The following NR5A2 variants were observed in gnomAD, a reference collection of about 807,000 sequenced individuals.
NR5A2 encodes the protein CYP7A promoter-binding factor.
A neutral mutation model predicts 62.7 loss-of-function variants in NR5A2; 26 were observed. The observed-to-expected ratio is 0.41, with a 90% confidence interval of 0.30 to 0.58. The LOEUF is 0.58. Among genes scored for constraint, NR5A2 ranks in the 20% least tolerant of loss-of-function variants. The pLI is 0.22. For synonymous variants in NR5A2, 246 were observed against 241.7 expected (o/e 1.02, Z -0.16); for missense variants, 541 against 669.1 (o/e 0.81, Z 2.11).
At chr1:200,029,015 C>A in intron 1 of NR5A2, 1 of 438,024 alleles carries the variant, frequency 2.3e-6, no homozygotes. Context: ...GTGTAACACA[C>A]AATCAATTGT....
intron 4 of NR5A2, among the ~76,000 whole-genome samples, chr1:200,046,592 G>A (rs528784284): frequency 2.2e-4 from 33 of 151,994 alleles, no homozygotes; most frequent in African/African-American, 7.2e-4. Flanking sequence ...TAGCTAACAC[G>A]CTTCTTCCGA....
At chr1:200,144,243 A>T (rs1012587212) in intron 7 of NR5A2, among the ~76,000 whole-genome samples, 10 of 137,942 alleles carry the variant, frequency 7.2e-5, no homozygotes, top group African/African-American at 2.5e-4. Context: ...TCACACACAC[A>T]CACACACACA....
chr1:200,137,459 C>T (rs922855398), intron 7 of NR5A2, among the ~76,000 whole-genome samples: 3 of 152,198 alleles, frequency 2.0e-5, no homozygotes, highest in Non-Finnish European at 4.4e-5. Context: ...AGCCACCACA[C>T]CTGGCCCAGA....
chr1:200,037,093 G>A (rs887812453), intron 1 of NR5A2, among the ~76,000 whole-genome samples: 1 of 152,192 alleles, frequency 6.6e-6, no homozygotes, highest in Non-Finnish European at 1.5e-5. Flanking sequence ...TGTGGTGGGA[G>A]GGTAGACTGG....
At chr1:200,067,803 A>C (rs1344488064) in intron 5 of NR5A2, among the ~76,000 whole-genome samples, 1 of 152,216 alleles carries the variant, frequency 6.6e-6, no homozygotes, top group Non-Finnish European at 1.5e-5. Flanking sequence ...CACAAAAAAG[A>C]CTAAGTGCCT....
chr1:200,162,621 A>G (rs749485799), intron 7 of NR5A2, among the ~76,000 whole-genome samples: 1 of 152,206 alleles, frequency 6.6e-6, no homozygotes, highest in Non-Finnish European at 1.5e-5. Flanking sequence ...GGAATCAGTT[A>G]TAAGGAACAG....
chr1:200,099,801 C>T (rs571170890), intron 5 of NR5A2, among the ~76,000 whole-genome samples: 2 of 152,248 alleles, frequency 1.3e-5, no homozygotes, highest in African/African-American at 4.8e-5. Context: ...ACCGTGTTAG[C>T]CAGGATGATC....
intron 7 of NR5A2, among the ~76,000 whole-genome samples, chr1:200,149,112 T>C (rs2011274): frequency 0.83 from 126,544 of 152,074 alleles, 53,167 homozygotes; most frequent in East Asian, 0.95. Flanking sequence ...AGGGTTTCAC[T>C]ATGTTGGCCA....
At chr1:200,071,287 C>T (rs930060300) in intron 5 of NR5A2, among the ~76,000 whole-genome samples, 3 of 152,170 alleles carry the variant, frequency 2.0e-5, no homozygotes, top group Non-Finnish European at 4.4e-5. Context: ...TCTCATTTCA[C>T]CTTAGGAGGT....
intron 7 of NR5A2, among the ~76,000 whole-genome samples, chr1:200,165,691 T>C (rs1226556724): frequency 6.6e-6 from 1 of 152,242 alleles, no homozygotes; most frequent in African/African-American, 2.4e-5. Context: ...GCTCGTTTCA[T>C]TTTAGTGTTG....
chr1:200,049,974 C>T (rs1168524644), intron 5 of NR5A2, among the ~76,000 whole-genome samples: 1 of 152,184 alleles, frequency 6.6e-6, no homozygotes, highest in African/African-American at 2.4e-5. Flanking sequence ...CCTGAACAGA[C>T]CTAAATAAGT....
chr1:200,118,069 T>A (rs1041365908), intron 6 of NR5A2, among the ~76,000 whole-genome samples: 19 of 136,416 alleles, frequency 1.4e-4, no homozygotes, highest in African/African-American at 5.3e-4. Flanking sequence ...CAGGTTGGAG[T>A]GCAGTGGTGC....
intron 5 of NR5A2, among the ~76,000 whole-genome samples, chr1:200,052,841 C>A (rs573885761): frequency 2.6e-4 from 40 of 152,132 alleles, no homozygotes; most frequent in South Asian, 1.2e-3. Context: ...GGTGTTTCAC[C>A]GTGTTAGCCA....
intron 7 of NR5A2, among the ~76,000 whole-genome samples, chr1:200,153,820 GGAAAA>G (rs761793193): frequency 2.0e-5 from 3 of 151,338 alleles, no homozygotes; most frequent in Non-Finnish European, 4.4e-5. Flanking sequence ...AGGGATGGAG[GGAAAA>G]GAAAAGGAAA....
chr1:200,127,560 C>T (rs1057126530), intron 7 of NR5A2, among the ~76,000 whole-genome samples: 6 of 150,488 alleles, frequency 4.0e-5, no homozygotes, highest in Middle Eastern at 3.4e-3. Context: ...ACCTGTAATC[C>T]CAGCTATTTT....
At chr1:200,154,365 C>T (rs1653278314) in intron 7 of NR5A2, among the ~76,000 whole-genome samples, 1 of 152,208 alleles carries the variant, frequency 6.6e-6, no homozygotes, top group Admixed American at 6.5e-5. Context: ...TGCCTCTAGA[C>T]CAAAACATGC....
At chr1:200,047,880 T>C (rs1662444742) in intron 4 of NR5A2, among the ~76,000 whole-genome samples, 1 of 152,268 alleles carries the variant, frequency 6.6e-6, no homozygotes, top group Non-Finnish European at 1.5e-5. Context: ...ACCACGCCTA[T>C]GTGAAATATT....
In NR5A2 at chr1:200,038,149, GGT is replaced by G. The variant is rs143034894; in HGVS notation, c.65-1508_65-1507del. ...ACTTTGAAGATGCGGCTGGGCTGGT[GGT>G]CGAAGAGCTTGCGTAACAGATGGTT... On this transcript the variant is annotated intron_variant, in intron 1 of 7. Transcript: ENST00000367362. Among the ~76,000 whole-genome samples, 1,140 of 152,296 alleles carry G rather than the reference GGT, an allele frequency of 7.5e-3. 17 individuals are homozygous for G. Among genetic ancestry groups the G allele is most frequent in the African/African-American group, 0.025 (1,055 of 41,554 alleles).
chr1:200,056,770 C>T (rs1270343195), intron 5 of NR5A2, among the ~76,000 whole-genome samples: 4 of 152,130 alleles, frequency 2.6e-5, no homozygotes. Context: ...TTATGAGCGT[C>T]CTGTTCGTAT....
Sources: gnomAD v4.1 joint callset for allele counts (sites outside exome capture counted in the v4.1 genomes callset) on GRCh38, gnomAD v4.1.1 for gene constraint, MANE v1.5 for transcripts, NCBI Gene and HGNC (gene_info 2026-07-23, HGNC 2026-07-21) for gene names.